The following MTF1 variants were observed in gnomAD, a reference collection of about 807,000 sequenced individuals.
The protein encoded by MTF1 is metal regulatory transcription factor 1.
In MTF1, 22 loss-of-function variants were observed where a neutral mutation model predicts 70.4. That is an observed-to-expected ratio of 0.31 (90% CI 0.22 to 0.45). The LOEUF (loss-of-function observed/expected upper bound fraction) is 0.45, where lower values mean the gene tolerates loss of function less well. MTF1 is among the 20% of genes least tolerant of loss of function. The pLI, the probability that MTF1 is intolerant of heterozygous loss-of-function variation, is 1.00. For missense variants in MTF1, 649 were observed against 922.0 expected, an observed-to-expected ratio of 0.70 and a Z score of 3.83; for synonymous variants, 333 against 352.8, an observed-to-expected ratio of 0.94 and a Z score of 0.63.
intron 7 of MTF1, among the ~76,000 whole-genome samples, chr1:37,825,052 T>C (rs1284544615): frequency 1.3e-5 from 2 of 152,128 alleles, no homozygotes; most frequent in South Asian, 2.1e-4. Flanking sequence ...CTACAGTTCG[T>C]AGGGCAAGAG....
At position 37,854,671 on chromosome 1, in the gene MTF1, T is replaced by C. The variant is rs188203283; in HGVS notation, c.408+2580A>G. 4.6e-5 allele frequency among the ~76,000 whole-genome samples: 7 copies of C among 152,308 alleles called. No individual in the cohort carries two copies. The South Asian group carries it at 8.3e-4, about 18-fold the overall frequency. On this transcript the variant is annotated intron_variant, in intron 2 of 10. Transcript: ENST00000373036. The stretch of plus-strand genomic sequence containing the variant: ...TGATAAAATGTAGACTATATAGTAA[T>C]TGTAGTACAGTGTCCAGATTAAGAG...
chr1:37,826,556 A>C (rs1315708687), intron 7 of MTF1: 1 of 455,200 alleles, frequency 2.2e-6, no homozygotes, highest in South Asian at 1.6e-5. Context: ...TACAAGTATG[A>C]GCCACCACCA....
At position 37,819,213 on chromosome 1, in the gene MTF1, T is replaced by C. The variant is rs557335766; in HGVS notation, c.1768-1731A>G. On this transcript the variant is annotated intron_variant, in intron 9 of 10. Transcript: ENST00000373036. ...TTACCCAGTTTGGGGTATTCTGTTATAAGCAACAGAAAATGGACTAAGACA... is the reference window on the plus strand; with the variant it reads ...TTACCCAGTTTGGGGTATTCTGTTACAAGCAACAGAAAATGGACTAAGACA... 3.9e-5 allele frequency among the ~76,000 whole-genome samples: 6 copies of C among 152,340 alleles called. No individual in the cohort carries two copies. The South Asian group carries it at 1.0e-3, about 26-fold the overall frequency.
In MTF1 at chr1:37,809,974, T is replaced by G. The variant is rs922132014; in HGVS notation, c.*5162A>C. ...GCTCTTGCCTTTCCTGGCTAGAAGATCTGAGCCAGAAATTCAGCAAAAATC... is the reference window on the plus strand; with the variant it reads ...GCTCTTGCCTTTCCTGGCTAGAAGAGCTGAGCCAGAAATTCAGCAAAAATC... On this transcript the variant is annotated 3_prime_UTR_variant, in exon 11 of 11. Transcript: ENST00000373036. The G allele has an allele frequency of 6.6e-6, 1 of 152,458 alleles. No individual in the cohort carries two copies. Among genetic ancestry groups the G allele is most frequent in the African/African-American group, 2.4e-5 (1 of 41,404 alleles). 9.4% of individuals were successfully genotyped at this position (152,458 alleles called of 1,614,324 possible).
chr1:37,841,605 A>T, intron 2 of MTF1: 1 of 178,670 alleles, frequency 5.6e-6, no homozygotes, highest in Non-Finnish European at 1.2e-5. Flanking sequence ...CCCGTCAGGA[A>T]TTCACTGACC....
At chr1:37,819,412 C>T (rs1295495948) in intron 9 of MTF1, among the ~76,000 whole-genome samples, 1 of 152,040 alleles carries the variant, frequency 6.6e-6, no homozygotes, top group Non-Finnish European at 1.5e-5. Flanking sequence ...CACCTGAGGT[C>T]AGGAGTTCCA....
At chr1:37,846,472 A>G (rs1641333907) in intron 2 of MTF1, among the ~76,000 whole-genome samples, 1 of 152,058 alleles carries the variant, frequency 6.6e-6, no homozygotes, top group African/African-American at 2.4e-5. Context: ...AGTGGCCTCA[A>G]ACAGCTGTCG....
At chr1:37,828,085 GTAA>G (rs1296803231) in intron 7 of MTF1, 1 of 348,122 alleles carries the variant, frequency 2.9e-6, no homozygotes, top group Admixed American at 4.2e-5. Flanking sequence ...GTAACTGTAT[GTAA>G]TAATATGGCT....
chr1:37,849,994 AT>A (rs970730963), intron 2 of MTF1, among the ~76,000 whole-genome samples: 1 of 152,154 alleles, frequency 6.6e-6, no homozygotes, highest in African/African-American at 2.4e-5. Context: ...GGTAATCACA[AT>A]ACTTTGGGAG....
At chr1:37,830,991 G>A (rs1641078095) in intron 7 of MTF1, among the ~76,000 whole-genome samples, 1 of 152,186 alleles carries the variant, frequency 6.6e-6, no homozygotes, top group African/African-American at 2.4e-5. Context: ...CAGTAAGATT[G>A]AGTTTTTATA....
chr1:37,830,695 T>G (rs571943327), intron 7 of MTF1, among the ~76,000 whole-genome samples: 4 of 152,344 alleles, frequency 2.6e-5, no homozygotes, highest in Admixed American at 2.6e-4. Context: ...CTCTGGACTC[T>G]GTTACACTTC....
chr1:37,814,991 G>A lies in MTF1; in HGVS notation c.*145C>T, dbSNP rs1640792689. 5 of 696,706 alleles carry A rather than the reference G, an allele frequency of 7.2e-6. No homozygotes were observed. Among genetic ancestry groups the A allele is most frequent in the Middle Eastern group, 4.1e-4 (1 of 2,442 alleles). The allele number at this position is 696,706 out of a possible 1,614,324, so 43.2% of individuals were successfully genotyped here. ...TCCTTAAAATGGATGCTCCTGGGAT[G>A]TGAATAAAGAAAATACGTCTGAAAG... On this transcript the variant is annotated 3_prime_UTR_variant, in exon 11 of 11. Transcript: ENST00000373036.
At chr1:37,824,074 G>T (rs1224781581) in intron 7 of MTF1, among the ~76,000 whole-genome samples, 4 of 151,936 alleles carry the variant, frequency 2.6e-5, no homozygotes, top group African/African-American at 9.7e-5. Flanking sequence ...TGAACTCCTG[G>T]GCTCAAGCAA....
Position 37,820,740 on chromosome 1 carries a change from A to G in MTF1, c.1767+1381T>C, listed in dbSNP as rs79168339. Among the ~76,000 whole-genome samples, 8 of 152,374 alleles carry G rather than the reference A, an allele frequency of 5.3e-5. No homozygotes were observed. In the East Asian group the frequency reaches 1.5e-3, roughly 29 times the overall value. ...GTCAAAACCAATAGAACTGTACAGC[A>G]CAAAGAATGGACCCTAAACTATGGA... On this transcript the variant is annotated intron_variant, in intron 9 of 10. Transcript: ENST00000373036.
rs996206801 is a variant in MTF1, at chr1:37,842,019, C to A, written c.409-1861G>T. ...CTGCACTCCAGCTTGGTAGACAGAA[C>A]CAGACCTGGCCTCAAAAAAGAAAAA... On this transcript the variant is annotated intron_variant, in intron 2 of 10. Coordinates refer to ENST00000373036, the MANE Select transcript of MTF1 (RefSeq NM_005955.3). Among the ~76,000 whole-genome samples the A allele has an allele frequency of 4.0e-5, 6 of 151,736 alleles. No individual in the cohort carries two copies. The East Asian group carries it at 7.7e-4, about 20-fold the overall frequency.
intron 9 of MTF1, among the ~76,000 whole-genome samples, chr1:37,819,836 C>T (rs572798925): frequency 6.6e-6 from 1 of 151,924 alleles, no homozygotes; most frequent in South Asian, 2.1e-4. Flanking sequence ...CCTGTAGTCC[C>T]AGCTACTTGG....
rs1454240495 is a variant in MTF1, at chr1:37,815,146, A to T, written c.2252T>A (p.Phe751Tyr). 6.2e-7 allele frequency: 1 copy of T among 1,613,774 alleles called. No individual in the cohort carries two copies. The highest frequency in any genetic ancestry group is 8.5e-7 in the Non-Finnish European group (1 of 1,179,910). ...GCACACATGGGCCCTTCACTTGGAG[A>T]AGCTGCTGGTGAGGCCCATCTCCTC... ...GEEEMGLTSS[F>Y]SK Residue 751 changes from phenylalanine to tyrosine, a missense_variant, in exon 11 of 11, where the codon TTC becomes TAC. This residue lies in a region of MTF1 where 138 missense variants were observed against 134.4 expected (regional missense o/e 1.03). Coordinates refer to ENST00000373036, the MANE Select transcript of MTF1 (RefSeq NM_005955.3). The surrounding 1 kb of genome is among the most constrained non-coding windows in gnomAD (Gnocchi z 4.5).
At chr1:37,850,519 G>C (rs2148421173) in intron 2 of MTF1, among the ~76,000 whole-genome samples, 1 of 151,490 alleles carries the variant, frequency 6.6e-6, no homozygotes, top group South Asian at 2.1e-4. Context: ...AAGGAAGGGA[G>C]GGAGGAAGGG....
intron 6 of MTF1, chr1:37,834,577 G>C: frequency 2.2e-6 from 1 of 453,776 alleles, no homozygotes; most frequent in East Asian, 7.0e-5. Context: ...ATATATGTAG[G>C]ACAGTCTATT....
Sources: allele counts gnomAD v4.1 joint callset (sites outside exome capture counted in the v4.1 genomes callset), GRCh38; gene constraint gnomAD v4.1.1; regional missense constraint gnomAD v4.1.1; non-coding constraint Gnocchi (gnomAD v3.1); transcripts MANE v1.5; gene names NCBI Gene and HGNC (gene_info 2026-07-23, HGNC 2026-07-21).